Variants in ASB3 observed in about 807,000 individuals in gnomAD.
ASB3 encodes ankyrin repeat and SOCS box containing 3.
ASB3 carries 41 observed loss-of-function variants against 54.5 expected under a neutral mutation model. The ratio of observed to expected loss-of-function variants is 0.75; its 90% CI spans 0.59 to 0.98. ASB3 has a LOEUF of 0.98. ASB3 is among the 50% of genes least tolerant of loss of function. The pLI is 0.00. For synonymous variants in ASB3, 266 were observed against 221.2 expected (o/e 1.20, Z -1.80); for missense variants, 733 against 620.0 (o/e 1.18, Z -1.94).
intron 7 of ASB3, among the ~76,000 whole-genome samples, chr2:53,704,090 G>A (rs924954002): frequency 1.3e-5 from 2 of 152,168 alleles, no homozygotes; most frequent in African/African-American, 4.8e-5. Context: ...AGGGCTAGGC[G>A]TGGTGGCTCA....
chr2:53,697,996 G>T (rs926117180), intron 8 of ASB3, among the ~76,000 whole-genome samples: 3 of 152,150 alleles, frequency 2.0e-5, no homozygotes, highest in African/African-American at 7.2e-5. Flanking sequence ...GCATTGCCCT[G>T]GTAGAAACTT....
intron 5 of ASB3, among the ~76,000 whole-genome samples, chr2:53,726,973 C>A (rs575111097): frequency 6.6e-6 from 1 of 152,184 alleles, no homozygotes; most frequent in South Asian, 2.1e-4. Context: ...CTGACCCAGG[C>A]TAAACACTAA....
chr2:53,729,395 G>T, intron 4 of ASB3, 63 bp downstream of exon 4: 1 of 1,556,972 alleles, frequency 6.4e-7, no homozygotes, highest in South Asian at 1.1e-5. Flanking sequence ...GCATAGGACT[G>T]TCATTTTAAG....
chr2:53,680,504 CT>C (rs1282636243), intron 9 of ASB3, among the ~76,000 whole-genome samples: 2 of 152,126 alleles, frequency 1.3e-5, no homozygotes, highest in South Asian at 2.1e-4. Context: ...TGATGTCGAA[CT>C]TTTTTTCATA....
At chr2:53,711,776 A>C (rs1272690684) in intron 7 of ASB3, among the ~76,000 whole-genome samples, 1 of 152,140 alleles carries the variant, frequency 6.6e-6, no homozygotes, top group Non-Finnish European at 1.5e-5. Context: ...AGTCTCAAAA[A>C]AAAAAAGGAA....
At chr2:53,732,659 C>A (rs1323731991) in intron 3 of ASB3, among the ~76,000 whole-genome samples, 3 of 152,112 alleles carry the variant, frequency 2.0e-5, no homozygotes, top group African/African-American at 7.2e-5. Context: ...CTTTTAATAT[C>A]ATAAATATAT....
chr2:53,780,916 T>C (rs1003299434), intron 1 of ASB3, among the ~76,000 whole-genome samples: 4 of 152,254 alleles, frequency 2.6e-5, no homozygotes, highest in South Asian at 4.1e-4. Flanking sequence ...TTAACACTTA[T>C]GTAGCACTAA....
chr2:53,720,314 A>G (rs960246661), intron 5 of ASB3, among the ~76,000 whole-genome samples: 5 of 152,230 alleles, frequency 3.3e-5, no homozygotes, highest in African/African-American at 1.2e-4. Flanking sequence ...CACTTTGGGC[A>G]TATGTTGCCA....
At chr2:53,767,766 C>T in intron 1 of ASB3, 1 of 1,232,188 alleles carries the variant, frequency 8.1e-7, no homozygotes, top group South Asian at 1.5e-5. Flanking sequence ...GCTTTGCGCC[C>T]CAAGTGGCCA....
At chr2:53,673,018 T>C (rs542894920) in intron 9 of ASB3, among the ~76,000 whole-genome samples, 1 of 152,342 alleles carries the variant, frequency 6.6e-6, no homozygotes, top group East Asian at 1.9e-4. Context: ...GAAATAAGCA[T>C]AACTGCTGTT....
At chr2:53,721,157 T>TAAAC (rs1481491874) in intron 5 of ASB3, among the ~76,000 whole-genome samples, 1 of 149,050 alleles carries the variant, frequency 6.7e-6, no homozygotes, top group African/African-American at 2.5e-5. Context: ...AATAAATAAA[T>TAAAC]AAATAAACTG....
chr2:53,698,411 C>G (rs1669303842), intron 8 of ASB3, among the ~76,000 whole-genome samples: 1 of 152,192 alleles, frequency 6.6e-6, no homozygotes, highest in African/African-American at 2.4e-5. Context: ...CACAGCCAGG[C>G]TGAGAATTTT....
Position 53,694,135 on chromosome 2 carries a change from G to C in ASB3, c.1239-121C>G, listed in dbSNP as rs578023921. The C allele has an allele frequency of 7.0e-6, 8 of 1,143,908 alleles. No individual in the cohort carries two copies. In the African/African-American group the frequency reaches 9.5e-5, roughly 14 times the overall value. The allele number at this position is 1,143,908 out of a possible 1,614,324, so 70.9% of individuals were successfully genotyped here. A position where few individuals can be genotyped will look rare whatever the true frequency, so the allele number is the denominator to read the frequency against. ...AATGAGGAGGGCAGACAGAAAACCA[G>C]GGCATGTTAAGTATTTATGTAACTA... is the stretch of plus-strand genomic sequence containing the variant. On this transcript the variant is annotated intron_variant, in intron 8 of 9. Transcript: ENST00000263634.
At chr2:53,741,889 T>C (rs934269270) in intron 3 of ASB3, among the ~76,000 whole-genome samples, 2 of 152,044 alleles carry the variant, frequency 1.3e-5, no homozygotes, top group Non-Finnish European at 2.9e-5. Flanking sequence ...AGATCAAAAT[T>C]TGTAAAAGGG....
chr2:53,744,371 C>A (rs918338130), intron 3 of ASB3, among the ~76,000 whole-genome samples: 1 of 138,172 alleles, frequency 7.2e-6, no homozygotes, highest in South Asian at 2.4e-4. Flanking sequence ...GCAGACAGAG[C>A]GAGACTCTGT....
intron 2 of ASB3, among the ~76,000 whole-genome samples, chr2:53,760,677 T>C (rs1001223730): frequency 3.9e-5 from 6 of 152,202 alleles, no homozygotes; most frequent in African/African-American, 7.2e-5. Context: ...ACTTAGGCAT[T>C]GATAGCACCC....
chr2:53,696,976 C>T (rs977803927), intron 8 of ASB3, among the ~76,000 whole-genome samples: 6 of 152,052 alleles, frequency 3.9e-5, no homozygotes, highest in Non-Finnish European at 8.8e-5. Context: ...GGGCTACATC[C>T]CCAGGAAATT....
chr2:53,755,811 A>T (rs1672782000), intron 2 of ASB3, among the ~76,000 whole-genome samples: 1 of 152,182 alleles, frequency 6.6e-6, no homozygotes, highest in African/African-American at 2.4e-5. Flanking sequence ...CCCGAAACAC[A>T]TATAACACCG....
intron 5 of ASB3, among the ~76,000 whole-genome samples, chr2:53,727,081 G>T (rs1209541424): frequency 1.3e-5 from 2 of 152,180 alleles, no homozygotes; most frequent in African/African-American, 4.8e-5. Context: ...CAGAAGGCCT[G>T]GGTCCAAGCC....
Sources: allele counts gnomAD v4.1 joint callset (sites outside exome capture counted in the v4.1 genomes callset), GRCh38; gene constraint gnomAD v4.1.1; transcripts MANE v1.5; gene names NCBI Gene and HGNC (gene_info 2026-07-23, HGNC 2026-07-21).